The following SERPINB8 variants were observed in gnomAD, a reference collection of about 807,000 sequenced individuals.
The protein encoded by SERPINB8 is serpin family B member 8.
In SERPINB8, 25 loss-of-function variants were observed where a neutral mutation model predicts 35.3. The observed-to-expected ratio is 0.71, with a 90% CI of 0.52 to 0.99. The LOEUF (loss-of-function observed/expected upper bound fraction) is 0.99, where lower values mean the gene tolerates loss of function less well. SERPINB8 is among the 50% of genes least tolerant of loss of function. The pLI is 0.00. For missense variants in SERPINB8, 484 were observed against 446.5 expected (o/e 1.08, Z -0.76); for synonymous variants, 186 against 160.8 (o/e 1.16, Z -1.19).
At position 63,986,999 on chromosome 18, in the gene SERPINB8, C is replaced by T; in HGVS notation, c.846C>T (p.Phe282=). 3 of 1,614,204 alleles carry T rather than the reference C, an allele frequency of 1.9e-6. No homozygotes were observed. Among genetic ancestry groups the T allele is most frequent in the Non-Finnish European group, 2.5e-6 (3 of 1,180,032 alleles). The stretch of plus-strand genomic sequence containing the variant: ...AGGAGAGTTATGACTTGGAGCCTTT[C>T]CTTCGAAGATTAGGAATGATCGATG... ...KLEESYDLEP[F]LRRLGMIDAF... is the part of the protein sequence containing the mutation. Residue 282 remains phenylalanine (F), a synonymous_variant, in exon 7 of 7, where the codon TTC becomes TTT. Transcript: ENST00000397985.
In SERPINB8 at chr18:63,983,639, T is replaced by C. The variant is rs2050706791; in HGVS notation, c.485T>C (p.Val162Ala). Residue 162 changes from valine (V) to alanine (A), a missense_variant, in exon 5 of 7, where the codon GTG (valine) becomes GCG (alanine). By Grantham distance (64) the Val-to-Ala change is moderately conservative. Transcript: ENST00000397985. The part of the protein sequence containing the change: ...TVDPLTKLVL[V>A]NAIYFKGKWN... The stretch of plus-strand genomic sequence containing the variant: ...GATCCCCTGACAAAGCTGGTCCTTG[T>C]GAATGCCATTTATTTCAAGGGAAAG... 2 of 1,613,696 alleles carry C rather than the reference T, an allele frequency of 1.2e-6. No homozygotes were observed. Among genetic ancestry groups the C allele is most frequent in the African/African-American group, 1.3e-5 (1 of 74,908 alleles).
chr18:64,013,371 C>G (rs1455007797), intron 7 of SERPINB8, among the ~76,000 whole-genome samples: 1 of 152,132 alleles, frequency 6.6e-6, no homozygotes, highest in Admixed American at 6.5e-5. Flanking sequence ...GAATACCCTC[C>G]TATCTCCAAA....
At chr18:63,974,174 G>C in intron 1 of SERPINB8, among the ~76,000 whole-genome samples, 2 of 152,048 alleles carry the variant, frequency 1.3e-5, no homozygotes, top group Middle Eastern at 6.8e-3. Flanking sequence ...TTTTTTCTGA[G>C]GATTTCCATA....
Position 63,987,273 on chromosome 18 carries a change from C to T in SERPINB8, c.1120C>T (p.Pro374Ser). 1.2e-6 allele frequency: 2 copies of T among 1,610,152 alleles called. No individual in the cohort carries two copies. Among genetic ancestry groups the T allele is most frequent in the Non-Finnish European group, 1.7e-6 (2 of 1,177,560 alleles). Reference protein sequence around the residue: ...CILFCGRFSSP With the variant: ...CILFCGRFSSS ...CTTGTTCTGTGGCAGGTTCTCTTCT[C>T]CGTAAAGAGGAGCAATTGCTGTACA... The change falls in exon 7 of 7, where the codon CCG becomes TCG. Residue 374 changes from proline to serine, a missense_variant. Coordinates refer to ENST00000397985, the MANE Select transcript of SERPINB8 (RefSeq NM_002640.4).
intron 1 of SERPINB8, among the ~76,000 whole-genome samples, chr18:63,975,996 G>C (rs1444440482): frequency 1.3e-5 from 2 of 152,180 alleles, no homozygotes; most frequent in Non-Finnish European, 2.9e-5. Context: ...GGCTCCATCT[G>C]TTTATAGAAA....
chr18:63,970,526 G>A (rs2050452247), intron 1 of SERPINB8: 1 of 152,798 alleles, frequency 6.5e-6, no homozygotes, highest in Admixed American at 6.5e-5. Flanking sequence ...TTGCTGCGCT[G>A]TGATTTGCTG....
intron 1 of SERPINB8, among the ~76,000 whole-genome samples, chr18:63,975,415 C>T (rs781735805): frequency 2.3e-4 from 35 of 152,162 alleles, no homozygotes; most frequent in Non-Finnish European, 4.3e-4. Flanking sequence ...CCAACATCTG[C>T]AGACCCTAGT....
At chr18:63,978,904 A>G (rs1330347868) in intron 2 of SERPINB8, among the ~76,000 whole-genome samples, 1 of 152,178 alleles carries the variant, frequency 6.6e-6, no homozygotes, top group African/African-American at 2.4e-5. Flanking sequence ...TATGCATCCT[A>G]GAAGAGGAAT....
intron 7 of SERPINB8, among the ~76,000 whole-genome samples, chr18:64,014,100 G>A (rs1391387706): frequency 6.6e-6 from 1 of 152,164 alleles, no homozygotes; most frequent in East Asian, 1.9e-4. Context: ...ATAGAAACAA[G>A]AAGCCCAGTG....
downstream of SERPINB8, among the ~76,000 whole-genome samples, chr18:63,994,328 C>G (rs1303762505): frequency 6.6e-6 from 1 of 151,934 alleles, no homozygotes; most frequent in African/African-American, 2.4e-5. Context: ...ATACATGCCC[C>G]CTCTCTCTTT....
chr18:63,982,173 G>A (rs573460009), intron 4 of SERPINB8, among the ~76,000 whole-genome samples: 3 of 152,224 alleles, frequency 2.0e-5, no homozygotes, highest in South Asian at 2.1e-4. Flanking sequence ...ATTAAGTTGC[G>A]GCTTAGAGAG....
chr18:63,994,975 C>T (rs1263291973), intron 1 of SERPINB8, among the ~76,000 whole-genome samples: 1 of 152,154 alleles, frequency 6.6e-6, no homozygotes, highest in East Asian at 1.9e-4. Flanking sequence ...AGATGACTAT[C>T]CGGCGCCCTC....
intron 1 of SERPINB8, among the ~76,000 whole-genome samples, chr18:64,004,112 A>G (rs1294616914): frequency 1.3e-5 from 2 of 151,748 alleles, no homozygotes; most frequent in African/African-American, 4.8e-5. Context: ...TAAAGGAAAA[A>G]TTTTATGGAG....
chr18:64,000,776 C>G (rs930867265), intron 1 of SERPINB8, among the ~76,000 whole-genome samples: 1 of 152,190 alleles, frequency 6.6e-6, no homozygotes, highest in Non-Finnish European at 1.5e-5. Flanking sequence ...GCTCCAATCT[C>G]CCTCTCTCCC....
intron 6 of SERPINB8, among the ~76,000 whole-genome samples, 181 bp downstream of exon 6, chr18:63,985,426 A>T (rs1250847140): frequency 1.3e-5 from 2 of 152,222 alleles, no homozygotes; most frequent in Non-Finnish European, 2.9e-5. Flanking sequence ...GTGTATACAT[A>T]TATGAGTGGA....
At chr18:63,975,360 G>A (rs117080197) in intron 1 of SERPINB8, among the ~76,000 whole-genome samples, 2,160 of 152,212 alleles carry the variant, frequency 0.014, 37 homozygotes, top group East Asian at 0.084. Flanking sequence ...GAAAGATGAG[G>A]TTGTGGAGGA....
intron 7 of SERPINB8, among the ~76,000 whole-genome samples, chr18:64,013,886 G>A (rs981417347): frequency 9.2e-5 from 14 of 152,320 alleles, no homozygotes; most frequent in Admixed American, 2.6e-4. Flanking sequence ...AACAGAAGGG[G>A]AATGGTAGCA....
chr18:63,977,912 T>A (rs2050607575), intron 1 of SERPINB8, among the ~76,000 whole-genome samples: 1 of 152,288 alleles, frequency 6.6e-6, no homozygotes, highest in South Asian at 2.1e-4. Context: ...AGAAAATCTG[T>A]TCCTTGCCTT....
intron 5 of SERPINB8, among the ~76,000 whole-genome samples, chr18:63,984,419 A>G (rs12961804): frequency 2.0e-5 from 3 of 152,230 alleles, no homozygotes; most frequent in Non-Finnish European, 4.4e-5. Flanking sequence ...TCAAAGTTAT[A>G]CAATCCTGAG....
Sources: allele counts gnomAD v4.1 joint callset (sites outside exome capture counted in the v4.1 genomes callset), GRCh38; gene constraint gnomAD v4.1.1; transcripts MANE v1.5; gene names NCBI Gene and HGNC (gene_info 2026-07-23, HGNC 2026-07-21).